Variants in CNGA1 observed in about 807,000 individuals in gnomAD.
CNGA1 encodes the protein cyclic nucleotide-gated channel alpha-1.
CNGA1 carries 53 observed loss-of-function variants against 69.7 expected under a neutral mutation model. That is an observed-to-expected ratio of 0.76 (90% CI 0.61 to 0.96). CNGA1 has a LOEUF of 0.96. Among genes scored for constraint, CNGA1 ranks in the 40% least tolerant of loss-of-function variants. The probability of loss-of-function intolerance (pLI) is 0.00; values close to 1 mark genes in which losing one functional copy is unlikely to be tolerated. For synonymous variants in CNGA1, 249 were observed against 283.5 expected (o/e 0.88, Z 1.22); for missense variants, 739 against 811.2 (o/e 0.91, Z 1.08).
intron 6 of CNGA1, among the ~76,000 whole-genome samples, chr4:47,947,861 A>G (rs1448054978): frequency 6.6e-6 from 1 of 152,162 alleles, no homozygotes; most frequent in African/African-American, 2.4e-5. Context: ...GTGAGCACAA[A>G]GTTTGAAAAT....
chr4:47,967,919 A>C (rs1475196270), intron 3 of CNGA1, among the ~76,000 whole-genome samples: 3 of 152,142 alleles, frequency 2.0e-5, no homozygotes. Flanking sequence ...TGGAGGTTGC[A>C]GTGAGCCTAG....
At chr4:48,000,743 G>C (rs879113232) in intron 2 of CNGA1, among the ~76,000 whole-genome samples, 1 of 151,200 alleles carries the variant, frequency 6.6e-6, no homozygotes, top group Non-Finnish European at 1.5e-5. Flanking sequence ...GGGGGAAGCG[G>C]GGGGGTGGGA....
At chr4:48,003,095 G>A (rs991383316) in intron 2 of CNGA1, among the ~76,000 whole-genome samples, 1 of 152,114 alleles carries the variant, frequency 6.6e-6, no homozygotes, top group African/African-American at 2.4e-5. Flanking sequence ...TGCCCAAGGT[G>A]GTCAGAGCAT....
chr4:47,984,647 AAT>A (rs1553868840), intron 2 of CNGA1, among the ~76,000 whole-genome samples: 80 of 64,496 alleles, frequency 1.2e-3, no homozygotes, highest in South Asian at 3.4e-3. Context: ...AAATAAAAAA[AAT>A]ATATATATAT....
At chr4:48,007,930 T>A (rs1578129501) in intron 2 of CNGA1, among the ~76,000 whole-genome samples, 2 of 152,140 alleles carry the variant, frequency 1.3e-5, no homozygotes, top group Admixed American at 1.3e-4. Flanking sequence ...ACCATTATTA[T>A]TTCACTCCTT....
At chr4:48,001,765 C>T (rs1714673060) in intron 2 of CNGA1, among the ~76,000 whole-genome samples, 1 of 152,004 alleles carries the variant, frequency 6.6e-6, no homozygotes, top group South Asian at 2.1e-4. Flanking sequence ...GAACATCCAC[C>T]AAGACAGATC....
At chr4:47,968,735 C>T (rs1740858367) in intron 3 of CNGA1, among the ~76,000 whole-genome samples, 2 of 151,970 alleles carry the variant, frequency 1.3e-5, no homozygotes, top group Admixed American at 1.3e-4. Context: ...ACAATAAATT[C>T]AAGAGCAAAC....
chr4:47,959,624 T>C (rs1740303254), intron 3 of CNGA1, among the ~76,000 whole-genome samples: 1 of 152,150 alleles, frequency 6.6e-6, no homozygotes, highest in Non-Finnish European at 1.5e-5. Context: ...AAAAAAAATT[T>C]TTTTAGACAG....
At position 47,937,327 on chromosome 4, in the gene CNGA1, A is replaced by AAAAATT. The variant is rs762502746; in HGVS notation, c.1149_1154dup (p.Leu383_Ile384dup). On this transcript the variant is annotated inframe_insertion, in exon 11 of 11. Transcript: ENST00000514170. ...AACCTATGTTACCAACGATGGTAGC[A>AAAAATT]AAAATTAACACTCCAATTAGGAAAT... 4 of 1,614,082 alleles carry AAAAATT rather than the reference A, an allele frequency of 2.5e-6. No individual in the cohort carries two copies. The South Asian group carries it at 4.4e-5, about 18-fold the overall frequency.
chr4:47,958,202 A>ACATGT (rs1408211345), intron 3 of CNGA1, among the ~76,000 whole-genome samples: 1 of 152,018 alleles, frequency 6.6e-6, no homozygotes, highest in Non-Finnish European at 1.5e-5. Flanking sequence ...TGTAATTTTT[A>ACATGT]TATACACCTC....
Position 47,936,849 on chromosome 4 carries a change from T to A in CNGA1, c.1633A>T (p.Ile545Phe), listed in dbSNP as rs752905054. 14 of 1,614,024 alleles carry A rather than the reference T, an allele frequency of 8.7e-6. No homozygotes were observed. In the South Asian group the frequency reaches 1.5e-4, roughly 18 times the overall value. The part of the protein sequence containing the change: ...SDGSYFGEIS[I>F]LNIKGSKAGN... ...GCTTTGCTCCCTTTAATGTTAAGAA[T>A]GCTGATCTCACCGAAGTAGCTGCCA... Residue 545 changes from isoleucine to phenylalanine, a missense_variant, in exon 11 of 11, where the codon ATT (isoleucine) becomes TTT (phenylalanine). Ile to Phe is a conservative substitution (Grantham distance 21, BLOSUM62 0). Transcript: ENST00000514170.
At chr4:47,981,741 G>A (rs1197346713) in intron 2 of CNGA1, among the ~76,000 whole-genome samples, 2 of 152,112 alleles carry the variant, frequency 1.3e-5, no homozygotes, top group Non-Finnish European at 2.9e-5. Flanking sequence ...TAAAAGAGGG[G>A]TTCTCAAAGC....
At chr4:47,944,207 G>T (rs1739261755) in intron 6 of CNGA1, among the ~76,000 whole-genome samples, 1 of 152,160 alleles carries the variant, frequency 6.6e-6, no homozygotes, top group Admixed American at 6.5e-5. Context: ...AAGACTTGGA[G>T]TTGAGAAGAA....
rs745803581 is a variant in CNGA1 at position 47,936,629 on chromosome 4, T to C, written c.1853A>G (p.Asp618Gly). 3 of 1,614,156 alleles carry C rather than the reference T, an allele frequency of 1.9e-6. No individual in the cohort carries two copies. In the South Asian group the frequency reaches 3.3e-5, roughly 18 times the overall value. Residue 618 changes from aspartate (D) to glycine (G), a missense_variant, in exon 11 of 11, where the codon GAT becomes GGT. Transcript: ENST00000514170. Reference sequence around the variant, plus strand: ...CATTCGAGTAACCTTCTCTTCAAGATCTTTAGGATCACTGCCAGCATTTGC... The same window carrying C: ...CATTCGAGTAACCTTCTCTTCAAGACCTTTAGGATCACTGCCAGCATTTGC... ...NIANAGSDPK[D>G]LEEKVTRMEG...
At chr4:47,948,322 G>A (rs760882910) in intron 6 of CNGA1, among the ~76,000 whole-genome samples, 1 of 152,262 alleles carries the variant, frequency 6.6e-6, no homozygotes, top group East Asian at 1.9e-4. Flanking sequence ...CTATCATAGA[G>A]TTTATACTCT....
chr4:47,972,887 T>C (rs1418308349), intron 3 of CNGA1, among the ~76,000 whole-genome samples: 4 of 152,178 alleles, frequency 2.6e-5, no homozygotes, highest in African/African-American at 9.6e-5. Flanking sequence ...TTTGTGTACT[T>C]TACTAACCTG....
rs746072911 is a variant in CNGA1 at position 47,936,403 on chromosome 4, A to G, written c.*18T>C. 1.2e-6 allele frequency: 2 copies of G among 1,613,432 alleles called. No individual in the cohort carries two copies. Among genetic ancestry groups the G allele is most frequent in the East Asian group, 2.2e-5 (1 of 44,878 alleles). ...AGGATCATGAGGCATGTCCCTGTTA[A>G]TGACCAGCTTTTCGGTTCTATGTAG... is the stretch of plus-strand genomic sequence containing the variant. On this transcript the variant is annotated 3_prime_UTR_variant, in exon 11 of 11. Transcript: ENST00000514170.
At chr4:47,997,489 A>T (rs907567269) in intron 2 of CNGA1, among the ~76,000 whole-genome samples, 1 of 152,202 alleles carries the variant, frequency 6.6e-6, no homozygotes, top group Non-Finnish European at 1.5e-5. Context: ...AGACAACTGG[A>T]TTTAATTATT....
intron 8 of CNGA1, chr4:47,942,780 T>G (rs1228263639): frequency 5.8e-6 from 1 of 171,134 alleles, no homozygotes; most frequent in African/African-American, 2.4e-5. Context: ...GGTTGCACAC[T>G]CTTTATAAGA....
Sources: allele counts gnomAD v4.1 joint callset (sites outside exome capture counted in the v4.1 genomes callset), GRCh38; gene constraint gnomAD v4.1.1; transcripts MANE v1.5; gene names NCBI Gene and HGNC (gene_info 2026-07-23, HGNC 2026-07-21).